Variants in ZNF222 observed in about 807,000 individuals in gnomAD.
The protein encoded by ZNF222 is zinc finger protein 222.
Under a neutral mutation model 11.6 loss-of-function variants are expected in ZNF222, and 8 were observed. The observed-to-expected ratio is 0.69, with a 90% CI of 0.41 to 1.25. The LOEUF is 1.25. Ranked by LOEUF, ZNF222 falls within the 50% of genes most tolerant of loss-of-function variation. ZNF222 has a pLI of 0.01. For synonymous variants in ZNF222, 171 were observed against 195.6 expected (o/e 0.87, Z 1.05); for missense variants, 483 against 576.1 (o/e 0.84, Z 1.65).
Position 44,026,988 on chromosome 19 carries a change from C to T in ZNF222, c.43-35C>T, listed in dbSNP as rs145932124. On this transcript the variant is annotated intron_variant, in intron 1 of 3. Coordinates refer to ENST00000391960, the MANE Select transcript of ZNF222 (RefSeq NM_001129996.2). ...CTGCTGTCTCCCAATAGTCTTTGGCCGTAAGATTGAGGTGACATCTGCTTG... is the reference window on the plus strand; with the variant it reads ...CTGCTGTCTCCCAATAGTCTTTGGCTGTAAGATTGAGGTGACATCTGCTTG... 5.5e-4 allele frequency: 895 copies of T among 1,612,930 alleles called. 3 individuals carry two copies. The highest frequency in any genetic ancestry group is 3.8e-3 in the Middle Eastern group (23 of 6,058).
At chr19:44,030,279 T>C (rs1004711074) in intron 3 of ZNF222, among the ~76,000 whole-genome samples, 1 of 152,212 alleles carries the variant, frequency 6.6e-6, no homozygotes, top group East Asian at 1.9e-4. Context: ...AAAATAAGAT[T>C]AAGTATTTTT....
chr19:44,032,172 C>T lies in ZNF222; in HGVS notation c.618C>T (p.Val206=), dbSNP rs769434045. The T allele has an allele frequency of 6.2e-7, 1 of 1,614,182 alleles. No individual in the cohort carries two copies. The highest frequency in any genetic ancestry group is 8.5e-7 in the Non-Finnish European group (1 of 1,180,034). ...CAGCCCTTCATATTCATCAGAGGGT[C>T]CACATGGGAGTGAAATGCTATAAGT... ...YISALHIHQR[V]HMGVKCYKCD... The change falls in exon 4 of 4, where the codon GTC becomes GTT. Residue 206 remains valine, a synonymous_variant. Coordinates refer to ENST00000391960, the MANE Select transcript of ZNF222 (RefSeq NM_001129996.2).
rs1219057664 is a variant in ZNF222, at chr19:44,025,728, C to T, written c.42+250C>T. Among the ~76,000 whole-genome samples, 1 of 152,140 alleles carries T rather than the reference C, an allele frequency of 6.6e-6. No individual in the cohort carries two copies. Among genetic ancestry groups the T allele is most frequent in the Admixed American group, 6.5e-5 (1 of 15,278 alleles). ...TTGTTTTGTAACGGGACTTTTCGGA[C>T]CATCCTAATGGATTCATTTTGGGAC... is the stretch of plus-strand genomic sequence containing the variant. On this transcript the variant is annotated intron_variant, in intron 1 of 3. Transcript: ENST00000391960. This position sits in a 1 kb window ranked among gnomAD's most constrained non-coding sequence, Gnocchi z 4.6.
At chr19:44,027,802 T>G (rs1333255880) in intron 3 of ZNF222, among the ~76,000 whole-genome samples, 1 of 152,172 alleles carries the variant, frequency 6.6e-6, no homozygotes, top group Non-Finnish European at 1.5e-5. Context: ...TCCCACACTG[T>G]CTGACTGCAT....
Position 44,025,390 on chromosome 19 carries a change from G to A in ZNF222, c.-47G>A, listed in dbSNP as rs1474840713. ...AGTTTGAGTCATTTCCACATCTTGC[G>A]AGTCCTTCCGAACGAGTCTCCTTTC... On this transcript the variant is annotated 5_prime_UTR_variant, in exon 1 of 4. Coordinates refer to ENST00000391960, the MANE Select transcript of ZNF222 (RefSeq NM_001129996.2). The surrounding 1 kb of genome is among the most constrained non-coding windows in gnomAD (Gnocchi z 4.6). 3.9e-6 allele frequency: 6 copies of A among 1,547,594 alleles called. 1 individual carries two copies. In the Middle Eastern group the frequency reaches 6.7e-4, roughly 172 times the overall value.
At chr19:44,031,727 C>T (rs575298568) in intron 3 of ZNF222, 90 bp from the exon 4 acceptor site, 1,521 of 1,423,064 alleles carry the variant, frequency 1.1e-3, no homozygotes, top group Non-Finnish European at 1.3e-3. Flanking sequence ...ACAGTCCACC[C>T]GCCTCGGCCT....
chr19:44,031,293 C>T (rs1303073055), intron 3 of ZNF222, among the ~76,000 whole-genome samples: 4 of 152,102 alleles, frequency 2.6e-5, no homozygotes, highest in Non-Finnish European at 5.9e-5. Flanking sequence ...ACATATGAGA[C>T]ATGGTGTGGT....
chr19:44,028,058 G>C (rs1976418631), intron 3 of ZNF222: 4 of 399,640 alleles, frequency 1.0e-5, no homozygotes. Context: ...CTTCATTTTG[G>C]TTTACCAGTC....
intron 3 of ZNF222, chr19:44,031,193 AGACT>A (rs375786240): frequency 5.4e-4 from 82 of 152,418 alleles, no homozygotes; most frequent in African/African-American, 1.9e-3. Flanking sequence ...ACAAAATTTT[AGACT>A]GACTAAAAAA....
At chr19:44,026,257 A>C (rs1976358187) in intron 1 of ZNF222, among the ~76,000 whole-genome samples, 1 of 147,054 alleles carries the variant, frequency 6.8e-6, no homozygotes, top group Non-Finnish European at 1.5e-5. Flanking sequence ...CACTGTGGAG[A>C]GGTGCTGCTT....
intron 1 of ZNF222, 46 bp from the exon 2 acceptor site, chr19:44,026,977 T>C (rs753253203): frequency 7.4e-6 from 12 of 1,612,136 alleles, no homozygotes; most frequent in Non-Finnish European, 1.0e-5. Flanking sequence ...TGTCTCCCAA[T>C]AGTCTTTGGC....
intron 1 of ZNF222, among the ~76,000 whole-genome samples, chr19:44,026,559 T>A (rs545311014): frequency 2.4e-4 from 35 of 147,294 alleles, no homozygotes; most frequent in African/African-American, 7.4e-4. Flanking sequence ...TATATATATT[T>A]TTTTTTTTAC....
At position 44,025,465 on chromosome 19, in the gene ZNF222, G is replaced by T. The variant is rs780053078; in HGVS notation, c.29G>T (p.Gly10Val). ...ATCGATTCAGGAGAAAAGAAGCCTGGGCGGAGAGCAGAGGTTTGGAGGGGC... is the reference window on the plus strand; with the variant it reads ...ATCGATTCAGGAGAAAAGAAGCCTGTGCGGAGAGCAGAGGTTTGGAGGGGC... MIDSGEKKP[G>V]RRAEEAVTFK... Residue 10 changes from glycine to valine, a missense_variant, in exon 1 of 4, where the codon GGG becomes GTG. Transcript: ENST00000391960. The surrounding 1 kb of genome is among the most constrained non-coding windows in gnomAD (Gnocchi z 4.6). 1 of 1,550,796 alleles carries T rather than the reference G, an allele frequency of 6.4e-7. No individual in the cohort carries two copies. Among genetic ancestry groups the T allele is most frequent in the South Asian group, 1.2e-5 (1 of 83,996 alleles).
chr19:44,032,994 G>T lies in ZNF222; in HGVS notation c.1440G>T (p.Leu480=). ...CGKRYKRRLN[L]DIILSLFLND... ...AGCGCTACAAGAGGCGCTTGAATCT[G>T]GATATAATTTTATCATTATTTTTAA... Residue 480 remains leucine, a synonymous_variant, in exon 4 of 4, where the codon CTG becomes CTT. Transcript: ENST00000391960. 6.4e-7 allele frequency: 1 copy of T among 1,559,488 alleles called. No homozygotes were observed. Among genetic ancestry groups the T allele is most frequent in the Non-Finnish European group, 8.6e-7 (1 of 1,160,438 alleles).
At chr19:44,027,233 G>C in intron 2 of ZNF222, 84 bp downstream of exon 2, 5 of 1,594,180 alleles carry the variant, frequency 3.1e-6, no homozygotes, top group Non-Finnish European at 4.3e-6. Flanking sequence ...TGAGTGTGCA[G>C]TGAGAACCTA....
intron 3 of ZNF222, among the ~76,000 whole-genome samples, chr19:44,028,045 A>C (rs1304741054): frequency 6.6e-6 from 1 of 152,170 alleles, no homozygotes; most frequent in Non-Finnish European, 1.5e-5. Flanking sequence ...CATGGGGAGA[A>C]GACTTCATTT....
rs950162622 is a variant in ZNF222 at position 44,032,926 on chromosome 19, G to A, written c.1372G>A (p.Asp458Asn). 7.4e-6 allele frequency: 12 copies of A among 1,611,344 alleles called. No homozygotes were observed. The African/African-American group carries it at 1.6e-4, about 22-fold the overall frequency. ...CRSYCKDQQR[D>N]HSGENPSKCE... ...GTCATACTGTAAAGACCAACAAAGA[G>A]ACCACAGTGGAGAAAACCCATCCAA... Residue 458 changes from aspartate (D) to asparagine (N), a missense_variant, in exon 4 of 4, where the codon GAC becomes AAC. Asp to Asn is a conservative substitution (Grantham distance 23). Coordinates refer to ENST00000391960, the MANE Select transcript of ZNF222 (RefSeq NM_001129996.2).
rs760189158 is a variant in ZNF222 at position 44,032,329 on chromosome 19, C to A, written c.775C>A (p.His259Asn). 9 of 1,613,996 alleles carry A rather than the reference C, an allele frequency of 5.6e-6. No individual in the cohort carries two copies. Among genetic ancestry groups the A allele is most frequent in the Non-Finnish European group, 7.6e-6 (9 of 1,180,024 alleles). Residue 259 changes from histidine to asparagine, a missense_variant, in exon 4 of 4, where the codon CAT becomes AAT. Transcript: ENST00000391960. ...GFRCRSALKV[H>N]CKLHMREKPY... ...CAGATGTAGATCAGCACTTAAAGTT[C>A]ATTGCAAATTACACATGAGAGAGAA...
At position 44,025,514 on chromosome 19, in the gene ZNF222, T is replaced by A; in HGVS notation, c.42+36T>A. ...GCGCGGGCGGGGATTGCCGTTCCAG[T>A]CAGCTGAGCCTTCTGGCGTCGGGGG... On this transcript the variant is annotated intron_variant, in intron 1 of 3. Transcript: ENST00000391960. The surrounding 1 kb of genome is among the most constrained non-coding windows in gnomAD (Gnocchi z 4.6). The A allele has an allele frequency of 6.5e-7, 1 of 1,534,414 alleles. No homozygotes were observed. Among genetic ancestry groups the A allele is most frequent in the African/African-American group, 1.4e-5 (1 of 72,426 alleles).
Sources: allele counts gnomAD v4.1 joint callset (sites outside exome capture counted in the v4.1 genomes callset), GRCh38; gene constraint gnomAD v4.1.1; non-coding constraint Gnocchi (gnomAD v3.1); transcripts MANE v1.5; gene names NCBI Gene and HGNC (gene_info 2026-07-23, HGNC 2026-07-21).